Variants in RBM20 observed in about 807,000 individuals in gnomAD.
The protein encoded by RBM20 is RNA binding motif protein 20, also known as RNA-binding protein 20.
A neutral mutation model predicts 110.1 loss-of-function variants in RBM20; 51 were observed. The ratio of observed to expected loss-of-function variants is 0.46; its 90% CI spans 0.37 to 0.59. The LOEUF (loss-of-function observed/expected upper bound fraction) is 0.59, where lower values mean the gene tolerates loss of function less well. Ranked by LOEUF, RBM20 falls within the 20% of genes least tolerant of loss-of-function variation. The pLI is 0.00. For synonymous variants in RBM20, 589 were observed against 618.2 expected (o/e 0.95, Z 0.70); for missense variants, 1,512 against 1,574.9 (o/e 0.96, Z 0.68).
chr10:110,656,875 T>C (rs963073052), intron 1 of RBM20, among the ~76,000 whole-genome samples: 8 of 152,348 alleles, frequency 5.3e-5, no homozygotes, highest in Admixed American at 1.3e-4. Flanking sequence ...CATTCATCTA[T>C]TGATAGACAT....
At chr10:110,731,165 A>G (rs1268798110) in intron 1 of RBM20, among the ~76,000 whole-genome samples, 1 of 152,168 alleles carries the variant, frequency 6.6e-6, no homozygotes. Context: ...CCACTTCTCG[A>G]TATTTGGGGG....
intron 1 of RBM20, among the ~76,000 whole-genome samples, chr10:110,765,023 G>A (rs986318920): frequency 3.3e-5 from 5 of 151,912 alleles, no homozygotes; most frequent in East Asian, 1.9e-4. Context: ...GATTCACAAC[G>A]GCAGTTTAAC....
intron 1 of RBM20, among the ~76,000 whole-genome samples, chr10:110,664,973 T>C (rs1300281408): frequency 6.6e-6 from 1 of 151,768 alleles, no homozygotes; most frequent in Non-Finnish European, 1.5e-5. Context: ...CCCCCTGGGC[T>C]CAAGCCATCC....
At position 110,837,650 on chromosome 10, in the gene RBM20, G is replaced by T. The variant is rs183739851; in HGVS notation, c.*1672G>T. On this transcript the variant is annotated 3_prime_UTR_variant, in exon 14 of 14. Coordinates refer to ENST00000369519, the MANE Select transcript of RBM20 (RefSeq NM_001134363.3). ...TCTGTACTAATGGAGGAAGGGCAGA[G>T]AGATTAGTTCAAGGCTAACATTTTA... The T allele has an allele frequency of 2.6e-5, 4 of 152,260 alleles. No homozygotes were observed. Among genetic ancestry groups the T allele is most frequent in the African/African-American group, 9.6e-5 (4 of 41,454 alleles). The allele number at this position is 152,260 out of a possible 1,614,324, so 9.4% of individuals were successfully genotyped here.
chr10:110,692,883 T>C (rs1862607768), intron 1 of RBM20, among the ~76,000 whole-genome samples: 1 of 104,040 alleles, frequency 9.6e-6, no homozygotes, highest in Non-Finnish European at 2.3e-5. Flanking sequence ...TTGAGTATGA[T>C]GTTAGCTGTA....
At chr10:110,816,470 C>T in intron 9 of RBM20, among the ~76,000 whole-genome samples, 1 of 151,872 alleles carries the variant, frequency 6.6e-6, no homozygotes, top group East Asian at 1.9e-4. Context: ...CTCGTCACTG[C>T]AGACCATCTC....
intron 1 of RBM20, among the ~76,000 whole-genome samples, chr10:110,654,145 A>G (rs1861988378): frequency 6.6e-6 from 1 of 152,196 alleles, no homozygotes; most frequent in Non-Finnish European, 1.5e-5. Flanking sequence ...CTATGTTCCA[A>G]CAGACTTTCA....
chr10:110,786,336 C>T (rs1342901425), intron 5 of RBM20, among the ~76,000 whole-genome samples: 4 of 152,246 alleles, frequency 2.6e-5, no homozygotes, highest in South Asian at 2.1e-4. Flanking sequence ...CATGTCTCCA[C>T]GTGCTGTCCC....
chr10:110,785,194 T>C (rs1484710756), intron 5 of RBM20, among the ~76,000 whole-genome samples: 3 of 152,232 alleles, frequency 2.0e-5, no homozygotes, highest in Non-Finnish European at 2.9e-5. Flanking sequence ...TCATGCTCAG[T>C]ATGCACCTGA....
chr10:110,810,136 A>T (rs1844746036), intron 7 of RBM20, among the ~76,000 whole-genome samples: 1 of 152,070 alleles, frequency 6.6e-6, no homozygotes, highest in African/African-American at 2.4e-5. Flanking sequence ...CAGCACATGG[A>T]TGTGAACACC....
intron 1 of RBM20, among the ~76,000 whole-genome samples, chr10:110,712,154 A>C (rs983707655): frequency 6.6e-6 from 1 of 152,188 alleles, no homozygotes; most frequent in Non-Finnish European, 1.5e-5. Flanking sequence ...GTCATTCTTC[A>C]GTAGGAAATG....
Position 110,839,171 on chromosome 10 carries a change from T to C in RBM20, c.*3193T>C, listed in dbSNP as rs1238943707. ...TATCTAGACAGTATCCCCAAAGAAT[T>C]TGGAAAATCTGATGGTGTGAGCAGC... is the stretch of plus-strand genomic sequence containing the variant. On this transcript the variant is annotated 3_prime_UTR_variant, in exon 14 of 14. Transcript: ENST00000369519. The C allele has an allele frequency of 6.6e-6, 1 of 152,190 alleles. No homozygotes were observed. The highest frequency in any genetic ancestry group is 6.5e-5 in the Admixed American group (1 of 15,274). The allele number at this position is 152,190 out of a possible 1,614,324, so 9.4% of individuals were successfully genotyped here.
chr10:110,687,731 G>T (rs1371190048), intron 1 of RBM20, among the ~76,000 whole-genome samples: 1 of 152,188 alleles, frequency 6.6e-6, no homozygotes, highest in Non-Finnish European at 1.5e-5. Context: ...TGATACAGGG[G>T]ATGTGACTAC....
rs565524160 is a variant in RBM20, at chr10:110,821,890, G to A, written c.3271G>A (p.Glu1091Lys). Residue 1091 changes from glutamate (E) to lysine (K), a missense_variant, in exon 11 of 14, where the codon GAA becomes AAA. By Grantham distance (56) the Glu-to-Lys change is moderately conservative. Transcript: ENST00000369519. ...GGAGGAGAAAGCCAGCCCCCCCATC[G>A]AAACTGACCTCCAAAACCAAGCTTG... The part of the protein sequence containing the change: ...PLEEKASPPI[E>K]TDLQNQACQE... 64 of 1,551,706 alleles carry A rather than the reference G, an allele frequency of 4.1e-5. No individual in the cohort carries two copies. Among genetic ancestry groups the A allele is most frequent in the African/African-American group, 1.2e-4 (9 of 73,156 alleles).
rs201149204 is a variant in RBM20, at chr10:110,823,431, CTTTTTTTTTTTTTTTT to C, written c.3317-37_3317-22del. On this transcript the variant is annotated intron_variant, in intron 11 of 13. Transcript: ENST00000369519. Reference sequence around the variant, plus strand: ...GGACTCTTTGAGGCATGTTGTATTTCTTTTTTTTTTTTTTTTTTTTTTTTTTTGCCTTGGTTCATGT... The same window carrying C: ...GGACTCTTTGAGGCATGTTGTATTTCTTTTTTTTTTTGCCTTGGTTCATGT... The C allele has an allele frequency of 7.3e-4, 948 of 1,300,618 alleles. 1 individual carries two copies. The highest frequency in any genetic ancestry group is 1.1e-3 in the South Asian group (78 of 68,106). 80.6% of individuals were successfully genotyped at this position (1,300,618 alleles called of 1,614,324 possible). A position where few individuals can be genotyped will look rare whatever the true frequency, so the allele number is the denominator to read the frequency against.
chr10:110,712,944 C>T (rs966092146), intron 1 of RBM20, among the ~76,000 whole-genome samples: 2 of 152,236 alleles, frequency 1.3e-5, no homozygotes, highest in African/African-American at 2.4e-5. Context: ...AAAATGGTTG[C>T]CGTCATCCTG....
At chr10:110,721,608 C>T (rs573870069) in intron 1 of RBM20, among the ~76,000 whole-genome samples, 7 of 152,290 alleles carry the variant, frequency 4.6e-5, no homozygotes, top group Admixed American at 1.3e-4. Context: ...CAAATCAGCA[C>T]GCTCTTCTGC....
At chr10:110,822,261 T>G (rs1198977233) in intron 11 of RBM20, among the ~76,000 whole-genome samples, 1 of 152,040 alleles carries the variant, frequency 6.6e-6, no homozygotes, top group Non-Finnish European at 1.5e-5. Flanking sequence ...CAAAAGGAGA[T>G]CAGGAGGAGC....
intron 1 of RBM20, among the ~76,000 whole-genome samples, chr10:110,755,917 G>A (rs927686425): frequency 1.3e-5 from 2 of 152,208 alleles, no homozygotes; most frequent in African/African-American, 4.8e-5. Flanking sequence ...CCCTGGAGTG[G>A]CCACCATCCA....
Sources: allele counts gnomAD v4.1 joint callset (sites outside exome capture counted in the v4.1 genomes callset), GRCh38; gene constraint gnomAD v4.1.1; transcripts MANE v1.5; gene names NCBI Gene and HGNC (gene_info 2026-07-23, HGNC 2026-07-21).